The following ZNF791 variants were observed in gnomAD, a reference collection of about 807,000 sequenced individuals.
ZNF791 encodes the protein zinc finger protein 791.
In ZNF791, 4 loss-of-function variants were observed where a neutral mutation model predicts 11.5. That is an observed-to-expected ratio of 0.35 (90% CI 0.17 to 0.80). ZNF791 has a LOEUF of 0.80. Among genes scored for constraint, ZNF791 ranks in the 30% least tolerant of loss-of-function variants. The probability of loss-of-function intolerance (pLI) is 0.53; values close to 1 mark genes in which losing one functional copy is unlikely to be tolerated. For missense variants in ZNF791, 559 were observed against 699.4 expected (o/e 0.80, Z 2.26); for synonymous variants, 212 against 228.1 (o/e 0.93, Z 0.64).
Position 12,629,043 on chromosome 19 carries a change from T to C in ZNF791, c.1514T>C (p.Phe505Ser), listed in dbSNP as rs1362483987. ...GAATGTAAGGAATGCGGGAAGGCCTTTATTTATCCCACAAGCTTTCAAGGA... is the reference window on the plus strand; with the variant it reads ...GAATGTAAGGAATGCGGGAAGGCCTCTATTTATCCCACAAGCTTTCAAGGA... ...PYECKECGKAFIYPTSFQGHM... is the reference protein window; with the variant it reads ...PYECKECGKASIYPTSFQGHM... Residue 505 changes from phenylalanine to serine, a missense_variant, in exon 4 of 4, where the codon TTT becomes TCT. Coordinates refer to ENST00000343325, the MANE Select transcript of ZNF791 (RefSeq NM_153358.3). 6.2e-7 allele frequency: 1 copy of C among 1,612,024 alleles called. No homozygotes were observed. The highest frequency in any genetic ancestry group is 8.5e-7 in the Non-Finnish European group (1 of 1,179,428).
intron 3 of ZNF791, 26 bp downstream of exon 3, chr19:12,624,736 A>G: frequency 6.3e-7 from 1 of 1,575,240 alleles, no homozygotes; most frequent in Non-Finnish European, 8.6e-7. Context: ...AAGAAGTAAC[A>G]GTGTTCCTTG....
intron 3 of ZNF791, 137 bp downstream of exon 3, chr19:12,624,847 A>C (rs1599326192): frequency 2.1e-6 from 1 of 483,102 alleles, no homozygotes; most frequent in Admixed American, 4.1e-5. Context: ...CAGGAGTTCA[A>C]GACCAGCCTG....
chr19:12,611,747 CT>C (rs1228486790), intron 1 of ZNF791, among the ~76,000 whole-genome samples: 4 of 152,252 alleles, frequency 2.6e-5, no homozygotes, highest in African/African-American at 9.6e-5. Context: ...ATCCTGGTAC[CT>C]TTCCAGGGCA....
In ZNF791 at chr19:12,631,987, G is replaced by T. The variant is rs2023506736; in HGVS notation, c.*2727G>T. The T allele has an allele frequency of 1.3e-5, 2 of 150,300 alleles. No homozygotes were observed. Among genetic ancestry groups the T allele is most frequent in the African/African-American group, 4.9e-5 (2 of 40,640 alleles). The allele number at this position is 150,300 out of a possible 1,614,324, so 9.3% of individuals were successfully genotyped here. ...TGTATTTTTTTTTTTTCGAGACGGA[G>T]TCTTGCTCTGTTGCCCAGGCTGGAG... On this transcript the variant is annotated 3_prime_UTR_variant, in exon 4 of 4. Coordinates refer to ENST00000343325, the MANE Select transcript of ZNF791 (RefSeq NM_153358.3).
At chr19:12,617,917 T>A (rs991779229) in intron 1 of ZNF791, among the ~76,000 whole-genome samples, 1 of 144,478 alleles carries the variant, frequency 6.9e-6, no homozygotes, top group Non-Finnish European at 1.5e-5. Context: ...ATTTTGCTTT[T>A]TTTTTTTTTT....
intron 2 of ZNF791, among the ~76,000 whole-genome samples, chr19:12,624,239 G>A (rs1259737153): frequency 7.0e-6 from 1 of 143,186 alleles, no homozygotes; most frequent in African/African-American, 2.6e-5. Context: ...TGTAACCTCC[G>A]CCTCCTGGGT....
At chr19:12,611,462 A>G (rs1161828214) in intron 1 of ZNF791, among the ~76,000 whole-genome samples, 1 of 152,130 alleles carries the variant, frequency 6.6e-6, no homozygotes, top group South Asian at 2.1e-4. Context: ...CTGTCCCCCC[A>G]GCCTAGCTCC....
intron 1 of ZNF791, among the ~76,000 whole-genome samples, chr19:12,616,813 CTT>C (rs1214560576): frequency 2.5e-5 from 2 of 81,252 alleles, no homozygotes. Flanking sequence ...TCTTTTAACA[CTT>C]TCTTTCACAG....
At position 12,628,627 on chromosome 19, in the gene ZNF791, T is replaced by G; in HGVS notation, c.1098T>G (p.Ser366Arg). The G allele has an allele frequency of 6.2e-7, 1 of 1,605,758 alleles. No individual in the cohort carries two copies. Among genetic ancestry groups the G allele is most frequent in the Non-Finnish European group, 8.5e-7 (1 of 1,176,566 alleles). ...GTAAAGAATGTGGGAAAGCCTTTAG[T>G]AGAATCAGTTACTTTCGAATACATG... ...YKCKECGKAF[S>R]RISYFRIHER... The change falls in exon 4 of 4, where the codon AGT (serine) becomes AGG (arginine). Residue 366 changes from serine (S) to arginine (R), a missense_variant. Coordinates refer to ENST00000343325, the MANE Select transcript of ZNF791 (RefSeq NM_153358.3).
chr19:12,626,108 C>T (rs1377904808), intron 3 of ZNF791, among the ~76,000 whole-genome samples: 5 of 152,206 alleles, frequency 3.3e-5, no homozygotes, highest in Non-Finnish European at 7.3e-5. Flanking sequence ...CCTCCCACTC[C>T]CTGGTTCAAG....
chr19:12,627,150 C>T (rs995123399), intron 3 of ZNF791, among the ~76,000 whole-genome samples: 2 of 149,264 alleles, frequency 1.3e-5, no homozygotes, highest in Non-Finnish European at 3.0e-5. Context: ...CACTGTACTC[C>T]AGTGCGGGTG....
intron 1 of ZNF791, among the ~76,000 whole-genome samples, chr19:12,622,725 T>C (rs1349732036): frequency 1.3e-5 from 2 of 151,884 alleles, no homozygotes; most frequent in African/African-American, 4.8e-5. Context: ...AAACCCCATC[T>C]CTACTAAAAA....
At chr19:12,626,961 A>G (rs1459025796) in intron 3 of ZNF791, among the ~76,000 whole-genome samples, 1 of 152,126 alleles carries the variant, frequency 6.6e-6, no homozygotes, top group Non-Finnish European at 1.5e-5. Flanking sequence ...TGAGCAGATC[A>G]TTTGAGCTCA....
chr19:12,618,436 G>C (rs556215743), intron 1 of ZNF791, among the ~76,000 whole-genome samples: 1 of 151,986 alleles, frequency 6.6e-6, no homozygotes, highest in South Asian at 2.1e-4. Flanking sequence ...GCTTGAGCCC[G>C]GGAAGTCGAG....
intron 3 of ZNF791, 73 bp downstream of exon 3, chr19:12,624,783 C>A: frequency 8.4e-7 from 1 of 1,184,958 alleles, no homozygotes; most frequent in Non-Finnish European, 1.2e-6. Context: ...GGCACGGTGG[C>A]TCACACCTGT....
chr19:12,622,923 A>ATCC (rs74180091), intron 1 of ZNF791, among the ~76,000 whole-genome samples: 29 of 149,264 alleles, frequency 1.9e-4, no homozygotes, highest in African/African-American at 6.9e-4. Flanking sequence ...AAGAAAAAAA[A>ATCC]CCCATTTATC....
intron 1 of ZNF791, among the ~76,000 whole-genome samples, chr19:12,614,160 C>T (rs1021964870): frequency 6.6e-6 from 1 of 152,080 alleles, no homozygotes; most frequent in Admixed American, 6.6e-5. Flanking sequence ...GTGGAGCTCC[C>T]ATAGTTCCTT....
At chr19:12,624,530 A>C in intron 2 of ZNF791, 120 bp from the exon 3 acceptor site, 1 of 723,042 alleles carries the variant, frequency 1.4e-6, no homozygotes, top group Non-Finnish European at 2.2e-6. Flanking sequence ...TTGGAATCTG[A>C]AAAGGAAACA....
At chr19:12,613,148 C>T (rs1191124860) in intron 1 of ZNF791, among the ~76,000 whole-genome samples, 15 of 151,674 alleles carry the variant, frequency 9.9e-5, no homozygotes, top group African/African-American at 1.2e-4. Flanking sequence ...TGAGTAGAGG[C>T]GGGGTTTCAC....
Sources: gnomAD v4.1 joint callset for allele counts (sites outside exome capture counted in the v4.1 genomes callset) on GRCh38, gnomAD v4.1.1 for gene constraint, MANE v1.5 for transcripts, NCBI Gene and HGNC (gene_info 2026-07-23, HGNC 2026-07-21) for gene names.